The following PLAC1 variants were observed in gnomAD, a reference collection of about 807,000 sequenced individuals.
PLAC1 encodes the protein placenta-specific protein 1.
For missense variants in PLAC1, 136 were observed against 163.2 expected (o/e 0.83, Z 0.91); for synonymous variants, 68 against 62.1 (o/e 1.09, Z -0.44).
chrX:134,672,973 G>A (rs2078460989), intron 2 of PLAC1, among the ~76,000 whole-genome samples: 1 of 112,227 alleles, frequency 8.9e-6, no homozygotes, highest in Non-Finnish European at 1.9e-5. Flanking sequence ...CCTTATGTAA[G>A]TCACAAAAAT....
intron 2 of PLAC1, among the ~76,000 whole-genome samples, chrX:134,698,426 G>A (rs770146165): frequency 1.8e-3 from 203 of 111,729 alleles, no homozygotes; most frequent in African/African-American, 6.0e-3. Flanking sequence ...GCACTCCAGC[G>A]TGGGCAACAA....
intron 2 of PLAC1, among the ~76,000 whole-genome samples, chrX:134,689,170 C>A (rs1206248690): frequency 1.8e-5 from 2 of 111,776 alleles, no homozygotes; most frequent in Admixed American, 1.9e-4. Context: ...GAAGAGCCCA[C>A]TCACTGGTCT....
At chrX:134,756,325 T>A (rs1252071867) in intron 1 of PLAC1, among the ~76,000 whole-genome samples, 3 of 109,402 alleles carry the variant, frequency 2.7e-5, no homozygotes, top group Non-Finnish European at 5.7e-5. Flanking sequence ...CGACGTTTTC[T>A]TCTAGTGCCT....
At chrX:134,628,504 C>T (rs1295853695) in intron 1 of PLAC1, among the ~76,000 whole-genome samples, 1 of 112,076 alleles carries the variant, frequency 8.9e-6, no homozygotes, top group Non-Finnish European at 1.9e-5. Flanking sequence ...GCCCTTGACC[C>T]TTTCCTGGTT....
chrX:134,714,527 G>A (rs780887055), intron 2 of PLAC1, among the ~76,000 whole-genome samples: 25 of 111,391 alleles, frequency 2.2e-4, no homozygotes, highest in Non-Finnish European at 4.3e-4. Context: ...CATTTTAAGC[G>A]TACGATTCAG....
rs532907196 is a variant in PLAC1, at chrX:134,680,027, C to T, written n.174+53408G>A. ...TTTCAGGCAAAGAGCAGAGTGCAAA[C>T]TGCTTCCTAGGCAGAGACTGAATTT... On this transcript the variant is annotated intron_variant and non_coding_transcript_variant, in intron 2 of 2. Coordinates refer to the PLAC1 transcript ENST00000466797. Among the ~76,000 whole-genome samples the T allele has an allele frequency of 1.3e-4, 14 of 111,954 alleles. No homozygotes were observed. In the South Asian group the frequency reaches 5.3e-3, roughly 42 times the overall value.
chrX:134,634,107 T>C (rs188823870), intron 1 of PLAC1, among the ~76,000 whole-genome samples: 124 of 112,083 alleles, frequency 1.1e-3, no homozygotes, highest in African/African-American at 4.0e-3. Context: ...TATTGGACTC[T>C]GTGGCTCTGG....
intron 1 of PLAC1, among the ~76,000 whole-genome samples, chrX:134,635,243 G>T (rs1214922202): frequency 8.9e-6 from 1 of 111,766 alleles, no homozygotes; most frequent in Non-Finnish European, 1.9e-5. Context: ...AAGGGAGTGT[G>T]GTGTTTTTTA....
chrX:134,726,902 C>A (rs2078676435), intron 2 of PLAC1, among the ~76,000 whole-genome samples: 1 of 109,881 alleles, frequency 9.1e-6, no homozygotes, highest in African/African-American at 3.3e-5. Flanking sequence ...TAAGCCTGCC[C>A]CAGTGTCACA....
chrX:134,697,593 C>T lies in PLAC1; in HGVS notation n.174+35842G>A, dbSNP rs775741804. On this transcript the variant is annotated intron_variant and non_coding_transcript_variant, in intron 2 of 2. Transcript: ENST00000466797. ...GTGGAAAAACAAAACACTAGCTGGGCACAGTGGCTCACACCTATAATCCCA... is the reference window on the plus strand; with the variant it reads ...GTGGAAAAACAAAACACTAGCTGGGTACAGTGGCTCACACCTATAATCCCA... 2.7e-5 allele frequency among the ~76,000 whole-genome samples: 3 copies of T among 112,332 alleles called. No homozygotes were observed. In the Admixed American group the frequency reaches 2.8e-4, roughly 11 times the overall value.
intron 2 of PLAC1, among the ~76,000 whole-genome samples, chrX:134,665,406 T>C (rs920805581): frequency 1.8e-5 from 2 of 111,845 alleles, no homozygotes; most frequent in Admixed American, 9.5e-5. Context: ...AGAATTCCAT[T>C]GTATGGACCC....
chrX:134,625,033 A>AT (rs2078229133), intron 1 of PLAC1, among the ~76,000 whole-genome samples: 1 of 111,818 alleles, frequency 8.9e-6, no homozygotes, highest in Non-Finnish European at 1.9e-5. Flanking sequence ...TCCACATCGT[A>AT]TTTTGGGGCA....
chrX:134,637,699 T>C (rs1278101262), intron 1 of PLAC1, among the ~76,000 whole-genome samples: 4 of 111,169 alleles, frequency 3.6e-5, no homozygotes, highest in African/African-American at 1.3e-4. Flanking sequence ...AATACAAAAA[T>C]TAGCCGGGCA....
intron 2 of PLAC1, among the ~76,000 whole-genome samples, chrX:134,665,151 T>A (rs2078432439): frequency 9.1e-6 from 1 of 110,279 alleles, no homozygotes; most frequent in Admixed American, 9.7e-5. Flanking sequence ...TGTGTGTGTG[T>A]GAGTGATATA....
chrX:134,666,276 G>A (rs1264482385), intron 2 of PLAC1, among the ~76,000 whole-genome samples: 1 of 111,273 alleles, frequency 9.0e-6, no homozygotes, highest in Non-Finnish European at 1.9e-5. Flanking sequence ...TTTCTGTCCT[G>A]GGCAGTCTGC....
intron 2 of PLAC1, among the ~76,000 whole-genome samples, chrX:134,718,919 G>T (rs1184763517): frequency 8.9e-6 from 1 of 111,751 alleles, no homozygotes; most frequent in Non-Finnish European, 1.9e-5. Context: ...GAATAATTGT[G>T]TGGGACAGGC....
intron 2 of PLAC1, among the ~76,000 whole-genome samples, chrX:134,695,175 T>C (rs946264493): frequency 8.9e-6 from 1 of 111,848 alleles, no homozygotes; most frequent in Admixed American, 9.5e-5. Flanking sequence ...GCAAGAGATA[T>C]AGGTGATAGA....
chrX:134,609,136 C>T (rs905745404), intron 1 of PLAC1, among the ~76,000 whole-genome samples: 1 of 110,791 alleles, frequency 9.0e-6, no homozygotes, highest in Non-Finnish European at 1.9e-5. Flanking sequence ...CCACACCTGG[C>T]CTGTGGTGCC....
intron 2 of PLAC1, among the ~76,000 whole-genome samples, chrX:134,667,835 A>G (rs746729868): frequency 4.6e-5 from 5 of 109,718 alleles, no homozygotes; most frequent in Non-Finnish European, 9.5e-5. Flanking sequence ...GCTGAAGCAG[A>G]AGGACTCTGG....
Sources: allele counts gnomAD v4.1 joint callset (sites outside exome capture counted in the v4.1 genomes callset), GRCh38; gene constraint gnomAD v4.1.1; transcripts MANE v1.5; gene names NCBI Gene and HGNC (gene_info 2026-07-23, HGNC 2026-07-21).